Variants in PCDHA4 observed in about 807,000 individuals in gnomAD.
PCDHA4 encodes protocadherin alpha 4, also known as protocadherin alpha-4.
Under a neutral mutation model 61.4 loss-of-function variants are expected in PCDHA4, and 49 were observed. That is an observed-to-expected ratio of 0.80 (90% CI 0.63 to 1.01). The LOEUF is 1.01. PCDHA4 is among the 50% of genes least tolerant of loss of function. The pLI is 0.00. For synonymous variants in PCDHA4, 590 were observed against 550.3 expected (o/e 1.07, Z -1.01); for missense variants, 1,254 against 1,235.8 (o/e 1.01, Z -0.22).
chr5:140,851,635 T>C (rs2042114429), intron 1 of PCDHA4: 8 of 917,242 alleles, frequency 8.7e-6, no homozygotes, highest in Non-Finnish European at 1.1e-5. Flanking sequence ...AACAAGTGTT[T>C]CCTTTCTTCA....
chr5:140,839,667 G>A (rs1375568663), intron 1 of PCDHA4, among the ~76,000 whole-genome samples: 4 of 152,038 alleles, frequency 2.6e-5, no homozygotes, highest in African/African-American at 4.8e-5. Context: ...CTACTATTTA[G>A]AGTCAACTAC....
chr5:140,811,516 A>T (rs1416557268), intron 1 of PCDHA4: 2 of 152,220 alleles, frequency 1.3e-5, no homozygotes, highest in Non-Finnish European at 1.5e-5. Flanking sequence ...TCCTTTAGAT[A>T]TATACCCAGT....
At chr5:140,892,623 C>T (rs2153438758) in intron 1 of PCDHA4, among the ~76,000 whole-genome samples, 1 of 152,114 alleles carries the variant, frequency 6.6e-6, no homozygotes, top group East Asian at 1.9e-4. Flanking sequence ...CCAGTTGGTA[C>T]ATAATAATTG....
chr5:140,822,414 A>T, intron 1 of PCDHA4: 2 of 1,614,090 alleles, frequency 1.2e-6, no homozygotes, highest in Non-Finnish European at 1.7e-6. Flanking sequence ...TAGTGATTGC[A>T]ACTGATGGAG....
At chr5:140,877,137 G>A in intron 1 of PCDHA4, 1 of 1,613,796 alleles carries the variant, frequency 6.2e-7, no homozygotes. Context: ...AGGTGTTCGT[G>A]CTGGACGAGA....
Position 140,807,731 on chromosome 5 carries a change from A to C in PCDHA4, c.544A>C (p.Lys182Gln). 1 of 1,614,204 alleles carries C rather than the reference A, an allele frequency of 6.2e-7. No homozygotes were observed. Among genetic ancestry groups the C allele is most frequent in the South Asian group, 1.1e-5 (1 of 91,086 alleles). ...CCCAAATGAATACTTTTCTCTGGAA[A>C]AACCACCTGATGACGAGCTGGTAAA... is the stretch of plus-strand genomic sequence containing the variant. ...LSPNEYFSLEKPPDDELVKGL... is the reference protein window; with the variant it reads ...LSPNEYFSLEQPPDDELVKGL... Residue 182 changes from lysine (K) to glutamine (Q), a missense_variant, in exon 1 of 4, where the codon AAA (lysine) becomes CAA (glutamine). Coordinates refer to ENST00000530339, the MANE Select transcript of PCDHA4 (RefSeq NM_018907.4).
intron 3 of PCDHA4, among the ~76,000 whole-genome samples, chr5:140,998,883 GAATA>G (rs782239555): frequency 6.6e-5 from 10 of 152,274 alleles, no homozygotes; most frequent in East Asian, 1.9e-4. Flanking sequence ...AAGTTTAGTT[GAATA>G]AATAACAATG....
rs782258990 is a variant in PCDHA4 at position 140,870,453 on chromosome 5, T to C, written c.2385+60881T>C. ...TGGAGGTGGCCGACGTGAACGACAATGCGCCTGCGTTCGCACAGCCCGAGT... is the reference window on the plus strand; with the variant it reads ...TGGAGGTGGCCGACGTGAACGACAACGCGCCTGCGTTCGCACAGCCCGAGT... On this transcript the variant is annotated intron_variant, in intron 1 of 3. Coordinates refer to ENST00000530339, the MANE Select transcript of PCDHA4 (RefSeq NM_018907.4). 10 of 1,614,138 alleles carry C rather than the reference T, an allele frequency of 6.2e-6. No homozygotes were observed. The Admixed American group carries it at 6.7e-5, about 11-fold the overall frequency.
chr5:140,825,450 CAG>C (rs1768582322), intron 1 of PCDHA4: 1 of 145,934 alleles, frequency 6.9e-6, no homozygotes, highest in Admixed American at 6.9e-5. Flanking sequence ...TAATATATAT[CAG>C]ATATTTTGAT....
chr5:140,946,271 A>G (rs2093916351), intron 1 of PCDHA4, among the ~76,000 whole-genome samples: 1 of 152,058 alleles, frequency 6.6e-6, no homozygotes, highest in Non-Finnish European at 1.5e-5. Context: ...GCGAATTAAA[A>G]CCCCAATGAG....
In PCDHA4 at chr5:140,826,703, G is replaced by A. The variant is rs1350880240; in HGVS notation, c.2385+17131G>A. Among the ~76,000 whole-genome samples the A allele has an allele frequency of 3.9e-5, 6 of 152,222 alleles. No individual in the cohort carries two copies. In the East Asian group the frequency reaches 5.8e-4, roughly 15 times the overall value. Reference sequence around the variant, plus strand: ...AAAAAAACCCAGCTAAAACAAAGGTGGTATTGAGAAAGAGGAAGAGCAAGT... The same window carrying A: ...AAAAAAACCCAGCTAAAACAAAGGTAGTATTGAGAAAGAGGAAGAGCAAGT... On this transcript the variant is annotated intron_variant, in intron 1 of 3. Coordinates refer to ENST00000530339, the MANE Select transcript of PCDHA4 (RefSeq NM_018907.4).
Position 140,808,084 on chromosome 5 carries a change from T to C in PCDHA4, c.897T>C (p.Thr299=), listed in dbSNP as rs371031734. The change falls in exon 1 of 4, where the codon ACT becomes ACC. Residue 299 remains threonine, a synonymous_variant. Transcript: ENST00000530339. ...VKSKFHIDPI[T]GQIIVKGYID... ...CCAAGTTTCACATAGATCCAATTAC[T>C]GGACAAATTATTGTAAAGGGATATA... 5 of 1,613,938 alleles carry C rather than the reference T, an allele frequency of 3.1e-6. No individual in the cohort carries two copies. Among genetic ancestry groups the C allele is most frequent in the Middle Eastern group, 1.6e-4 (1 of 6,084 alleles).
At chr5:140,853,927 G>T in intron 1 of PCDHA4, 1 of 895,160 alleles carries the variant, frequency 1.1e-6, no homozygotes, top group Non-Finnish European at 1.4e-6. Context: ...CCAACATTTT[G>T]GGAGGCCAAG....
chr5:140,824,765 A>G (rs1050013225), intron 1 of PCDHA4: 1 of 151,626 alleles, frequency 6.6e-6, no homozygotes, highest in Non-Finnish European at 1.5e-5. Flanking sequence ...TGGCCTATAA[A>G]AATGTTTTAA....
At chr5:140,929,316 C>A in intron 1 of PCDHA4, 1 of 1,556,954 alleles carries the variant, frequency 6.4e-7, no homozygotes, top group South Asian at 1.2e-5. Flanking sequence ...ACGCTAATGT[C>A]AATGCCATGG....
At chr5:140,987,444 C>G (rs2097254283) in intron 3 of PCDHA4, among the ~76,000 whole-genome samples, 1 of 151,998 alleles carries the variant, frequency 6.6e-6, no homozygotes, top group African/African-American at 2.4e-5. Flanking sequence ...TCCCCATGCC[C>G]GAGAGATAAT....
At chr5:140,873,265 T>A (rs2054186823) in intron 1 of PCDHA4, among the ~76,000 whole-genome samples, 1 of 152,228 alleles carries the variant, frequency 6.6e-6, no homozygotes, top group South Asian at 2.1e-4. Context: ...CAAAAGTGAT[T>A]AAACCATCAT....
chr5:140,968,659 C>T, intron 1 of PCDHA4: 1 of 1,614,160 alleles, frequency 6.2e-7, no homozygotes, highest in East Asian at 2.2e-5. Flanking sequence ...CTGACCTGGA[C>T]CTCTTTAAGG....
At chr5:140,910,074 G>T (rs2074869064) in intron 1 of PCDHA4, among the ~76,000 whole-genome samples, 1 of 152,162 alleles carries the variant, frequency 6.6e-6, no homozygotes, top group South Asian at 2.1e-4. Context: ...AGCGTAAATT[G>T]TTGTCAAGGG....
Sources: allele counts gnomAD v4.1 joint callset (sites outside exome capture counted in the v4.1 genomes callset), GRCh38; gene constraint gnomAD v4.1.1; transcripts MANE v1.5; gene names NCBI Gene and HGNC (gene_info 2026-07-23, HGNC 2026-07-21).